TENM2: variants seen among roughly 807,000 people sequenced by gnomAD.
TENM2 encodes the protein teneurin transmembrane protein 2, also known as teneurin-2.
Under a neutral mutation model 245.2 loss-of-function variants are expected in TENM2, and 52 were observed. The ratio of observed to expected loss-of-function variants is 0.21; its 90% CI spans 0.17 to 0.27. The LOEUF is 0.27. TENM2 is among the 10% of genes least tolerant of loss of function. The pLI is 1.00. For missense variants in TENM2, 3,046 were observed against 3,666.8 expected, an observed-to-expected ratio of 0.83 and a Z score of 4.37; for synonymous variants, 1,363 against 1,438.9, an observed-to-expected ratio of 0.95 and a Z score of 1.19.
At chr5:167,663,139 GGGGA>G (rs1196487157) in intron 2 of TENM2, among the ~76,000 whole-genome samples, 1 of 119,442 alleles carries the variant, frequency 8.4e-6, no homozygotes, top group East Asian at 2.3e-4. Context: ...GAATGGGGAT[GGGGA>G]GAGAGAGAGA....
At chr5:167,678,953 G>A (rs1234894756) in intron 2 of TENM2, among the ~76,000 whole-genome samples, 5 of 152,102 alleles carry the variant, frequency 3.3e-5, no homozygotes, top group Non-Finnish European at 5.9e-5. Context: ...CAAAGTTGAC[G>A]ATCTCTTTAT....
intron 5 of TENM2, among the ~76,000 whole-genome samples, chr5:168,015,789 C>A (rs139215431): frequency 3.5e-4 from 54 of 152,286 alleles, no homozygotes; most frequent in African/African-American, 1.3e-3. Context: ...TCCTTCAGAT[C>A]AGAAGGGAAG....
At chr5:167,768,477 G>A (rs1298245054) in intron 2 of TENM2, among the ~76,000 whole-genome samples, 1 of 152,100 alleles carries the variant, frequency 6.6e-6, no homozygotes, top group Non-Finnish European at 1.5e-5. Flanking sequence ...CTACGAAAGG[G>A]CCACATTTGG....
At chr5:167,121,627 C>T in the TENM2 span, among the ~76,000 whole-genome samples, 1 of 152,174 alleles carries the variant, frequency 6.6e-6, no homozygotes, top group Non-Finnish European at 1.5e-5. Flanking sequence ...GCTCAGTGGC[C>T]CCAGGCCGTC....
chr5:167,016,942 T>C, the TENM2 span, among the ~76,000 whole-genome samples: 4 of 152,330 alleles, frequency 2.6e-5, no homozygotes, highest in African/African-American at 7.2e-5. Context: ...TTTAGTCAAA[T>C]TGCAAATCGC....
chr5:168,055,292 A>C (rs889189247), intron 6 of TENM2, among the ~76,000 whole-genome samples: 1 of 152,192 alleles, frequency 6.6e-6, no homozygotes, highest in East Asian at 1.9e-4. Context: ...TATTTATTGC[A>C]TGGAAGTATG....
At chr5:167,595,410 TGGA>T (rs1391760462) in intron 2 of TENM2, among the ~76,000 whole-genome samples, 3 of 152,204 alleles carry the variant, frequency 2.0e-5, no homozygotes, top group Admixed American at 1.3e-4. Context: ...ATTGGGATGA[TGGA>T]GGAGATGAAA....
intron 2 of TENM2, among the ~76,000 whole-genome samples, chr5:167,412,382 C>A (rs1307590433): frequency 6.6e-6 from 1 of 151,976 alleles, no homozygotes; most frequent in African/African-American, 2.4e-5. Flanking sequence ...GTTAGCAGGC[C>A]GGGCAAGGTG....
chr5:167,552,713 T>G (rs567867589), intron 2 of TENM2, among the ~76,000 whole-genome samples: 1 of 152,212 alleles, frequency 6.6e-6, no homozygotes, highest in East Asian at 1.9e-4. Flanking sequence ...TCCATAAAGG[T>G]GTGTTGCGTA....
At chr5:168,030,832 C>T (rs1787078936) in intron 5 of TENM2, among the ~76,000 whole-genome samples, 1 of 152,136 alleles carries the variant, frequency 6.6e-6, no homozygotes. Flanking sequence ...GTGTTTTTTA[C>T]ACAGTGGCAT....
At chr5:167,874,376 A>T (rs1429498176) in intron 2 of TENM2, among the ~76,000 whole-genome samples, 1 of 152,196 alleles carries the variant, frequency 6.6e-6, no homozygotes, top group African/African-American at 2.4e-5. Flanking sequence ...TTCACTGAAT[A>T]ATGAATCAGA....
At chr5:167,904,505 A>C (rs915159035) in intron 3 of TENM2, among the ~76,000 whole-genome samples, 1 of 152,182 alleles carries the variant, frequency 6.6e-6, no homozygotes, top group Non-Finnish European at 1.5e-5. Context: ...TTATTTCACA[A>C]TAACAATAAG....
At chr5:167,540,534 T>C (rs1489454062) in intron 2 of TENM2, among the ~76,000 whole-genome samples, 1 of 152,210 alleles carries the variant, frequency 6.6e-6, no homozygotes, top group Non-Finnish European at 1.5e-5. Flanking sequence ...GTACTGTCTG[T>C]GGCTGGTTTC....
chr5:168,253,364 TAGCACAGAGCAAAGGCTAATAAA>T (rs1354809215), intron 27 of TENM2, among the ~76,000 whole-genome samples: 3 of 151,766 alleles, frequency 2.0e-5, no homozygotes, highest in South Asian at 4.2e-4. Flanking sequence ...GTAAAGTGCC[TAGCACAGAGCAAAGGCTAATAAA>T]AGCACAGAGC....
chr5:167,997,232 C>A (rs1352166242), intron 5 of TENM2, among the ~76,000 whole-genome samples: 2 of 152,184 alleles, frequency 1.3e-5, no homozygotes, highest in East Asian at 3.9e-4. Flanking sequence ...CTCTTGATGT[C>A]TCCTTGAAGG....
chr5:167,095,200 C>T, the TENM2 span, among the ~76,000 whole-genome samples: 33 of 151,862 alleles, frequency 2.2e-4, no homozygotes, highest in African/African-American at 7.3e-4. Context: ...GGAGGATGAC[C>T]GTAGATGTTA....
intron 2 of TENM2, among the ~76,000 whole-genome samples, chr5:167,553,156 G>A (rs1036072933): frequency 2.6e-5 from 4 of 152,230 alleles, no homozygotes; most frequent in African/African-American, 9.6e-5. Context: ...AACGAGTCAT[G>A]TGCTGAAACT....
intron 4 of TENM2, among the ~76,000 whole-genome samples, chr5:167,981,698 C>T (rs1259180981): frequency 6.6e-6 from 1 of 152,128 alleles, no homozygotes; most frequent in Non-Finnish European, 1.5e-5. Context: ...TCCAGATCCC[C>T]TTGGCCAGGC....
rs539191042 is a variant in TENM2 at position 168,220,626 on chromosome 5, G to A, written c.5108+1627G>A. The stretch of plus-strand genomic sequence containing the variant: ...TTTCTTTTCTACCTGAAAAGATGGT[G>A]AGTTCTTTTTGTTTTATGGCACTTT... On this transcript the variant is annotated intron_variant, in intron 23 of 28. Transcript: ENST00000518659. Among the ~76,000 whole-genome samples the A allele has an allele frequency of 2.4e-4, 37 of 152,292 alleles. 2 individuals carry two copies. The South Asian group carries it at 7.5e-3, about 31-fold the overall frequency.
Sources: allele counts gnomAD v4.1 joint callset (sites outside exome capture counted in the v4.1 genomes callset), GRCh38; gene constraint gnomAD v4.1.1; transcripts MANE v1.5; gene names NCBI Gene and HGNC (gene_info 2026-07-23, HGNC 2026-07-21).